Variants in GREB1L observed in about 807,000 individuals in gnomAD.
GREB1L encodes GREB1-like protein.
A neutral mutation model predicts 200.8 loss-of-function variants in GREB1L; 17 were observed. The observed-to-expected ratio is 0.08, with a 90% CI of 0.06 to 0.13. The LOEUF (loss-of-function observed/expected upper bound fraction) is 0.13. GREB1L is among the 10% of genes least tolerant of loss of function. The pLI is 1.00. For synonymous variants in GREB1L, 789 were observed against 893.0 expected (o/e 0.88, Z 2.08); for missense variants, 1,657 against 2,367.7 (o/e 0.70, Z 6.23).
intron 1 of GREB1L, among the ~76,000 whole-genome samples, chr18:21,351,975 G>A (rs2039440017): frequency 6.6e-6 from 1 of 151,972 alleles, no homozygotes; most frequent in Non-Finnish European, 1.5e-5. Context: ...AGCCTCCTGA[G>A]TAGTTGGGAT....
rs748466280 is a variant in GREB1L, at chr18:21,454,567, A to G, written c.2182+4A>G. On this transcript the variant is annotated splice_donor_region_variant and intron_variant, in intron 15 of 32. Coordinates refer to ENST00000424526, the MANE Select transcript of GREB1L (RefSeq NM_001142966.3). Reference sequence around the variant, plus strand: ...CTTCAGCGGATTCGACAATCAGGTAAGAGTGAACTTTCAAAGAGGAGCCCA... The same window carrying G: ...CTTCAGCGGATTCGACAATCAGGTAGGAGTGAACTTTCAAAGAGGAGCCCA... 64 of 1,549,986 alleles carry G rather than the reference A, an allele frequency of 4.1e-5. No individual in the cohort carries two copies. The South Asian group carries it at 7.0e-4, about 17-fold the overall frequency.
At chr18:21,297,330 G>A (rs1368682783) in intron 1 of GREB1L, among the ~76,000 whole-genome samples, 2 of 152,174 alleles carry the variant, frequency 1.3e-5, no homozygotes, top group African/African-American at 4.8e-5. Context: ...GTCCCCTCAA[G>A]CCATTAGGAA....
At chr18:21,522,571 G>A (rs543209146) in intron 32 of GREB1L, 87 bp from the exon 33 acceptor site, 2 of 1,047,296 alleles carry the variant, frequency 1.9e-6, no homozygotes, top group East Asian at 5.5e-5. Context: ...TCTCAGATGT[G>A]TTAGCTTAGG....
chr18:21,455,842 A>T (rs1290120624), intron 15 of GREB1L, among the ~76,000 whole-genome samples: 3 of 151,538 alleles, frequency 2.0e-5, no homozygotes, highest in Non-Finnish European at 4.4e-5. Context: ...GGATCTTGCT[A>T]AAATGCAGAT....
chr18:21,309,894 G>GC (rs34626299), intron 1 of GREB1L, among the ~76,000 whole-genome samples: 6 of 151,906 alleles, frequency 3.9e-5, no homozygotes, highest in Non-Finnish European at 8.8e-5. Flanking sequence ...GCACAAAACA[G>GC]CCCCCCATCC....
intron 1 of GREB1L, 124 bp from the exon 2 acceptor site, chr18:21,365,903 T>G (rs570351675): frequency 6.6e-6 from 1 of 152,216 alleles, no homozygotes; most frequent in East Asian, 1.9e-4. Context: ...GTGTGAGACT[T>G]TGATAATTTC....
chr18:21,268,322 T>C (rs1300390561), intron 1 of GREB1L, among the ~76,000 whole-genome samples: 1 of 151,576 alleles, frequency 6.6e-6, no homozygotes, highest in African/African-American at 2.4e-5. Context: ...GAAGTACTTA[T>C]GGAATCAAGC....
chr18:21,508,200 A>G lies in GREB1L; in HGVS notation c.4451A>G (p.Lys1484Arg). ...GTTCAGCTCTATTTCATCATTCCCA[A>G]ATCCAAAGAGAGTCATTTTGTCTTC... Reference protein sequence around the residue: ...EEVQLYFIIPKSKESHFVFSK... With the variant: ...EEVQLYFIIPRSKESHFVFSK... The change falls in exon 26 of 33, where the codon AAA becomes AGA. Residue 1484 changes from lysine to arginine, a missense_variant. Transcript: ENST00000424526. The G allele has an allele frequency of 6.4e-7, 1 of 1,551,678 alleles. No homozygotes were observed. Among genetic ancestry groups the G allele is most frequent in the Non-Finnish European group, 8.7e-7 (1 of 1,146,990 alleles).
chr18:21,344,208 TG>T (rs1377866906), intron 1 of GREB1L, among the ~76,000 whole-genome samples: 1 of 152,184 alleles, frequency 6.6e-6, no homozygotes, highest in Non-Finnish European at 1.5e-5. Context: ...GAGACCATCC[TG>T]GCTAACATGG....
At chr18:21,439,400 T>A (rs1347256449) in intron 7 of GREB1L, 121 bp from the exon 8 acceptor site, 6 of 621,108 alleles carry the variant, frequency 9.7e-6, no homozygotes, top group African/African-American at 3.7e-5. Context: ...CTGGACTGAG[T>A]CCTATCCGTG....
intron 14 of GREB1L, among the ~76,000 whole-genome samples, chr18:21,452,950 A>G (rs190049606): frequency 1.8e-4 from 27 of 152,368 alleles, no homozygotes; most frequent in Admixed American, 1.7e-3. Context: ...TAAAAGTAGC[A>G]TGGCTTGGCA....
Position 21,509,646 on chromosome 18 carries a change from T to A in GREB1L, c.4735+1055T>A, listed in dbSNP as rs560531714. 9.2e-5 allele frequency among the ~76,000 whole-genome samples: 14 copies of A among 152,304 alleles called. No individual in the cohort carries two copies. The South Asian group carries it at 2.9e-3, about 32-fold the overall frequency. On this transcript the variant is annotated intron_variant, in intron 27 of 32. Coordinates refer to ENST00000424526, the MANE Select transcript of GREB1L (RefSeq NM_001142966.3). ...GTTTATCACTTTATATCAAGTGAAT[T>A]AAGGCTTCTGAATATTTCTGTTCCT...
chr18:21,521,912 G>A (rs540974974), intron 32 of GREB1L, among the ~76,000 whole-genome samples: 1 of 143,292 alleles, frequency 7.0e-6, no homozygotes, highest in South Asian at 2.2e-4. Context: ...GCTGAGACAG[G>A]AGAATTGCTT....
At chr18:21,461,234 C>T (rs2035033964) in intron 15 of GREB1L, among the ~76,000 whole-genome samples, 1 of 152,146 alleles carries the variant, frequency 6.6e-6, no homozygotes, top group Non-Finnish European at 1.5e-5. Flanking sequence ...CTGACCCACA[C>T]GCCTCACCCC....
Position 21,467,774 on chromosome 18 carries a change from C to T in GREB1L, c.2183-5257C>T, listed in dbSNP as rs145619014. On this transcript the variant is annotated intron_variant, in intron 15 of 32. Coordinates refer to ENST00000424526, the MANE Select transcript of GREB1L (RefSeq NM_001142966.3). The stretch of plus-strand genomic sequence containing the variant: ...GCGCAGTGGCTCACACCTGTAATCC[C>T]AGCACTTTGGGAGGCCAAGGCGGGC... Among the ~76,000 whole-genome samples the T allele has an allele frequency of 4.8e-3, 738 of 152,228 alleles. 1 individual carries two copies. The highest frequency in any genetic ancestry group is 0.014 in the Middle Eastern group (4 of 294).
At chr18:21,396,743 C>T (rs1303302017) in intron 5 of GREB1L, among the ~76,000 whole-genome samples, 1 of 152,130 alleles carries the variant, frequency 6.6e-6, no homozygotes, top group Non-Finnish European at 1.5e-5. Flanking sequence ...AATTATTTTA[C>T]TTTCTGATAT....
At chr18:21,400,588 A>G (rs1177340070) in intron 5 of GREB1L, among the ~76,000 whole-genome samples, 1 of 152,176 alleles carries the variant, frequency 6.6e-6, no homozygotes, top group Non-Finnish European at 1.5e-5. Flanking sequence ...TTCGGATTCC[A>G]ATTCTCTAAA....
At position 21,374,183 on chromosome 18, in the gene GREB1L, T is replaced by C. The variant is rs1205337584; in HGVS notation, c.-10+8047T>C. Among the ~76,000 whole-genome samples, 8 of 152,232 alleles carry C rather than the reference T, an allele frequency of 5.3e-5. No individual in the cohort carries two copies. The East Asian group carries it at 1.5e-3, about 29-fold the overall frequency. ...CATGCCCAGTTAATTTTTGTATTTT[T>C]TGTAGAGACAGGGTTTCGTCATGTT... On this transcript the variant is annotated intron_variant, in intron 2 of 32. Coordinates refer to ENST00000424526, the MANE Select transcript of GREB1L (RefSeq NM_001142966.3).
chr18:21,503,994 T>A (rs936465332), intron 23 of GREB1L, among the ~76,000 whole-genome samples: 5 of 152,108 alleles, frequency 3.3e-5, no homozygotes. Context: ...CAGGCTGGAG[T>A]GCAGTGGCAC....
Sources: allele counts gnomAD v4.1 joint callset (sites outside exome capture counted in the v4.1 genomes callset), GRCh38; gene constraint gnomAD v4.1.1; transcripts MANE v1.5; gene names NCBI Gene and HGNC (gene_info 2026-07-23, HGNC 2026-07-21).